NXPH1: variants seen among roughly 807,000 people sequenced by gnomAD.
The protein encoded by NXPH1 is neurexophilin 1, also known as neurexophilin-1.
NXPH1 carries 5 observed loss-of-function variants against 23.7 expected under a neutral mutation model. The ratio of observed to expected loss-of-function variants is 0.21; its 90% CI spans 0.11 to 0.44. The LOEUF (loss-of-function observed/expected upper bound fraction) is 0.44, where lower values mean the gene tolerates loss of function less well. NXPH1 is among the 20% of genes least tolerant of loss of function. NXPH1 has a pLI of 0.99. For synonymous variants in NXPH1, 144 were observed against 122.2 expected, an observed-to-expected ratio of 1.18 and a Z score of -1.18; for missense variants, 324 against 321.6, an observed-to-expected ratio of 1.01 and a Z score of -0.06.
At chr7:8,487,005 C>T (rs1035792202) in intron 2 of NXPH1, among the ~76,000 whole-genome samples, 1 of 152,088 alleles carries the variant, frequency 6.6e-6, no homozygotes, top group Non-Finnish European at 1.5e-5. Context: ...AGATATTATG[C>T]ATATAAGAAC....
At chr7:8,456,936 C>T (rs1816605479) in intron 2 of NXPH1, among the ~76,000 whole-genome samples, 1 of 152,156 alleles carries the variant, frequency 6.6e-6, no homozygotes, top group African/African-American at 2.4e-5. Context: ...GATAAGGTCT[C>T]TAACTCTCTA....
chr7:8,682,182 G>C (rs867406740), intron 2 of NXPH1, among the ~76,000 whole-genome samples: 1 of 152,130 alleles, frequency 6.6e-6, no homozygotes, highest in East Asian at 1.9e-4. Flanking sequence ...GGTTACTTAG[G>C]GTCCTGAGGA....
chr7:8,718,138 C>T lies in NXPH1; in HGVS notation c.55-32870C>T, dbSNP rs1346125860. On this transcript the variant is annotated intron_variant, in intron 2 of 2. Coordinates refer to ENST00000405863, the MANE Select transcript of NXPH1 (RefSeq NM_152745.3). ...TTGAAATGCATTTGCTCTCTCTCAA[C>T]ATAGAGTATTTATGCAGTTTTACTT... Among the ~76,000 whole-genome samples, 3 of 152,100 alleles carry T rather than the reference C, an allele frequency of 2.0e-5. No homozygotes were observed. In the East Asian group the frequency reaches 5.8e-4, roughly 29 times the overall value.
intron 2 of NXPH1, among the ~76,000 whole-genome samples, chr7:8,532,761 A>G (rs1208261960): frequency 6.6e-6 from 1 of 152,118 alleles, no homozygotes; most frequent in Non-Finnish European, 1.5e-5. Context: ...CCTATCACTC[A>G]AACATTCTAT....
intron 2 of NXPH1, among the ~76,000 whole-genome samples, chr7:8,723,226 A>G (rs547162275): frequency 6.6e-6 from 1 of 152,340 alleles, no homozygotes; most frequent in Non-Finnish European, 1.5e-5. Context: ...TTATTTGTCA[A>G]TACAAATGTC....
intron 2 of NXPH1, among the ~76,000 whole-genome samples, chr7:8,476,623 C>T (rs1047010437): frequency 6.6e-6 from 1 of 151,482 alleles, no homozygotes; most frequent in South Asian, 2.1e-4. Flanking sequence ...GATCTGACAT[C>T]CTTAAATGCA....
rs1359993350 is a variant in NXPH1 at position 8,554,669 on chromosome 7, T to TA, written c.54+118908dup. Among the ~76,000 whole-genome samples the TA allele has an allele frequency of 7.9e-5, 12 of 151,800 alleles. No homozygotes were observed. The South Asian group carries it at 2.5e-3, about 31-fold the overall frequency. ...GAGATACCTGTCTTAAAACCTGTGT[T>TA]AAAAAACAGAACATGGCTGATCTAT... On this transcript the variant is annotated intron_variant, in intron 2 of 2. Coordinates refer to ENST00000405863, the MANE Select transcript of NXPH1 (RefSeq NM_152745.3).
At chr7:8,616,871 C>T (rs1819752702) in intron 2 of NXPH1, among the ~76,000 whole-genome samples, 1 of 149,484 alleles carries the variant, frequency 6.7e-6, no homozygotes, top group Non-Finnish European at 1.5e-5. Context: ...AAAAAAACCA[C>T]TCTGGCTGAA....
intron 2 of NXPH1, among the ~76,000 whole-genome samples, chr7:8,506,340 A>G (rs1242940158): frequency 6.6e-6 from 1 of 152,086 alleles, no homozygotes; most frequent in Non-Finnish European, 1.5e-5. Context: ...CCTAGGAGCA[A>G]GGGACATGGG....
At chr7:8,696,974 A>G (rs1779536517) in intron 2 of NXPH1, among the ~76,000 whole-genome samples, 2 of 144,182 alleles carry the variant, frequency 1.4e-5, no homozygotes, top group African/African-American at 4.9e-5. Flanking sequence ...TCTGGTCAAC[A>G]TGGCAAAACC....
chr7:8,752,207 A>ACC lies in NXPH1; in HGVS notation c.*438_*439insCC. ...TCTTTTAAAGTCTTGAGTACATGCT[A>ACC]ATCAATAATCTCCACTCATGCATTC... is the stretch of plus-strand genomic sequence containing the variant. On this transcript the variant is annotated 3_prime_UTR_variant, in exon 3 of 3. Coordinates refer to ENST00000405863, the MANE Select transcript of NXPH1 (RefSeq NM_152745.3). The ACC allele has an allele frequency of 6.1e-6, 1 of 164,548 alleles. No homozygotes were observed. The highest frequency in any genetic ancestry group is 1.3e-5 in the Non-Finnish European group (1 of 74,170). The allele number at this position is 164,548 out of a possible 1,614,324, so 10.2% of individuals were successfully genotyped here.
intron 2 of NXPH1, among the ~76,000 whole-genome samples, chr7:8,653,818 T>C (rs1165818829): frequency 1.3e-5 from 2 of 152,206 alleles, no homozygotes; most frequent in African/African-American, 4.8e-5. Flanking sequence ...TGATATACCA[T>C]TGGACTTCAT....
intron 2 of NXPH1, among the ~76,000 whole-genome samples, chr7:8,749,452 G>A (rs1401695018): frequency 6.6e-6 from 1 of 152,156 alleles, no homozygotes; most frequent in African/African-American, 2.4e-5. Flanking sequence ...GTAACAAGTG[G>A]TTGAGTAAAA....
chr7:8,646,804 T>C (rs1312002694), intron 2 of NXPH1, among the ~76,000 whole-genome samples: 2 of 152,112 alleles, frequency 1.3e-5, no homozygotes, highest in Non-Finnish European at 2.9e-5. Context: ...ATGTTTATTA[T>C]TTATTTTTAA....
At chr7:8,628,137 A>C (rs1258169133) in intron 2 of NXPH1, among the ~76,000 whole-genome samples, 1 of 152,154 alleles carries the variant, frequency 6.6e-6, no homozygotes, top group African/African-American at 2.4e-5. Context: ...GAATCAAAGC[A>C]AAATAAATGT....
rs570607475 is a variant in NXPH1, at chr7:8,749,982, C to T, written c.55-1026C>T. 7.2e-5 allele frequency among the ~76,000 whole-genome samples: 11 copies of T among 152,258 alleles called. No homozygotes were observed. In the East Asian group the frequency reaches 9.7e-4, roughly 13 times the overall value. On this transcript the variant is annotated intron_variant, in intron 2 of 2. Transcript: ENST00000405863. ...AATTCTTTCCTAAGAAATAATTTTG[C>T]GGTCCTAGGAGAACAGTGTCTGCAT...
intron 2 of NXPH1, among the ~76,000 whole-genome samples, chr7:8,441,518 TG>T (rs1010305063): frequency 6.6e-6 from 1 of 152,152 alleles, no homozygotes; most frequent in Non-Finnish European, 1.5e-5. Context: ...AAGGTTCCGT[TG>T]TAAGGATGTC....
chr7:8,564,669 A>G (rs1398065166), intron 2 of NXPH1, among the ~76,000 whole-genome samples: 3 of 151,846 alleles, frequency 2.0e-5, no homozygotes, highest in African/African-American at 4.8e-5. Flanking sequence ...ATGCTTTACA[A>G]ACTGGCCATT....
intron 2 of NXPH1, among the ~76,000 whole-genome samples, chr7:8,450,268 AAT>A (rs1298421886): frequency 6.6e-6 from 1 of 152,192 alleles, no homozygotes. Context: ...CATTTAATCT[AAT>A]GAGTCCTGCC....
Sources: gnomAD v4.1 joint callset for allele counts (sites outside exome capture counted in the v4.1 genomes callset) on GRCh38, gnomAD v4.1.1 for gene constraint, MANE v1.5 for transcripts, NCBI Gene and HGNC (gene_info 2026-07-23, HGNC 2026-07-21) for gene names.